The following LRRC7 variants were observed in gnomAD, a reference collection of about 807,000 sequenced individuals.
The protein encoded by LRRC7 is leucine-rich repeat-containing protein 7.
In LRRC7, 23 loss-of-function variants were observed where a neutral mutation model predicts 175.7. The ratio of observed to expected loss-of-function variants is 0.13; its 90% CI spans 0.09 to 0.19. LRRC7 has a LOEUF of 0.19. Ranked by LOEUF, LRRC7 falls within the 10% of genes least tolerant of loss-of-function variation. The probability of loss-of-function intolerance (pLI) is 1.00; values close to 1 mark genes in which losing one functional copy is unlikely to be tolerated. For missense variants in LRRC7, 1,354 were observed against 1,904.7 expected, an observed-to-expected ratio of 0.71 and a Z score of 5.38; for synonymous variants, 685 against 680.9, an observed-to-expected ratio of 1.01 and a Z score of -0.09.
At chr1:70,111,260 A>G (rs921494943) in intron 26 of LRRC7, among the ~76,000 whole-genome samples, 4 of 152,210 alleles carry the variant, frequency 2.6e-5, no homozygotes, top group African/African-American at 9.6e-5. Context: ...CAGCTATGAT[A>G]TTATGAGCAT....
intron 8 of LRRC7, among the ~76,000 whole-genome samples, chr1:69,947,130 A>G (rs1649415508): frequency 6.6e-6 from 1 of 151,568 alleles, no homozygotes; most frequent in Non-Finnish European, 1.5e-5. Flanking sequence ...TAAATAAATA[A>G]ATAAATAAAT....
At position 70,134,242 on chromosome 1, in the gene LRRC7, C is replaced by G. The variant is rs564015730; in HGVS notation, c.*12355C>G. Among the ~76,000 whole-genome samples, 31 of 152,346 alleles carry G rather than the reference C, an allele frequency of 2.0e-4. No homozygotes were observed. The East Asian group carries it at 5.8e-3, about 28-fold the overall frequency. On this transcript the variant is annotated 3_prime_UTR_variant, in exon 27 of 27. Coordinates refer to ENST00000651989, the MANE Select transcript of LRRC7 (RefSeq NM_001370785.2). ...GTAGTTTGCAATCTCCCCAGCCTCT[C>G]TCCTTTCAGTGGGAATATCTGGGTG... is the stretch of plus-strand genomic sequence containing the variant.
intron 2 of LRRC7, among the ~76,000 whole-genome samples, chr1:69,725,320 C>T (rs1323201622): frequency 2.6e-5 from 4 of 152,012 alleles, no homozygotes; most frequent in East Asian, 1.9e-4. Flanking sequence ...AGAAAATCCA[C>T]GTTTAAGTGG....
chr1:69,687,234 C>G (rs982687502), intron 2 of LRRC7, among the ~76,000 whole-genome samples: 6 of 152,160 alleles, frequency 3.9e-5, no homozygotes, highest in African/African-American at 1.4e-4. Context: ...TTAGGACAGG[C>G]ACGTTGGCTC....
In LRRC7 at chr1:70,044,058, G is replaced by A; in HGVS notation, c.4074G>A (p.Lys1358=). The A allele has an allele frequency of 1.2e-6, 2 of 1,613,340 alleles. No homozygotes were observed. The highest frequency in any genetic ancestry group is 1.7e-6 in the Non-Finnish European group (2 of 1,179,594). The stretch of plus-strand genomic sequence containing the variant: ...GCATGACTTTAAACTTGCAGACTAA[G>A]TCTAAATTTGATCATCAAGAACTAC... ...GRSMTLNLQT[K]SKFDHQELPL... Residue 1358 remains lysine (K), a synonymous_variant, in exon 22 of 27, where the codon AAG becomes AAA. Coordinates refer to ENST00000651989, the MANE Select transcript of LRRC7 (RefSeq NM_001370785.2).
chr1:69,856,929 T>C (rs1286913610), intron 7 of LRRC7, among the ~76,000 whole-genome samples: 2 of 152,172 alleles, frequency 1.3e-5, no homozygotes, highest in African/African-American at 2.4e-5. Flanking sequence ...TCAAGTGGGC[T>C]TCATCCCTGG....
intron 2 of LRRC7, among the ~76,000 whole-genome samples, chr1:69,727,608 A>G (rs1325472792): frequency 2.6e-5 from 4 of 152,178 alleles, no homozygotes; most frequent in Non-Finnish European, 2.9e-5. Context: ...TACTTTACAG[A>G]ATTGCTTTTT....
At chr1:69,960,451 C>A in intron 8 of LRRC7, among the ~76,000 whole-genome samples, 1 of 151,986 alleles carries the variant, frequency 6.6e-6, no homozygotes, top group East Asian at 1.9e-4. Flanking sequence ...ATTCGTTGAT[C>A]TTCCAAATGG....
intron 3 of LRRC7, among the ~76,000 whole-genome samples, chr1:69,777,044 A>C (rs1402424170): frequency 6.6e-6 from 1 of 152,158 alleles, no homozygotes; most frequent in Non-Finnish European, 1.5e-5. Context: ...CAAGAGCCCT[A>C]AATAATTAAG....
intron 24 of LRRC7, among the ~76,000 whole-genome samples, chr1:70,079,761 C>T (rs1663074544): frequency 6.6e-6 from 1 of 152,084 alleles, no homozygotes; most frequent in African/African-American, 2.4e-5. Context: ...TTAAAAGGGC[C>T]CCACATTTGG....
chr1:70,097,527 C>T (rs976361483), intron 25 of LRRC7, among the ~76,000 whole-genome samples: 9 of 151,874 alleles, frequency 5.9e-5, no homozygotes, highest in South Asian at 4.2e-4. Context: ...TAGTTACATA[C>T]GTATACATGT....
At chr1:69,671,759 A>C (rs1165594934) in intron 1 of LRRC7, among the ~76,000 whole-genome samples, 1 of 152,076 alleles carries the variant, frequency 6.6e-6, no homozygotes, top group Non-Finnish European at 1.5e-5. Flanking sequence ...AGTTCAGCCT[A>C]GTTATGCTTT....
At chr1:69,633,270 C>G (rs563846846) in intron 1 of LRRC7, among the ~76,000 whole-genome samples, 1 of 151,894 alleles carries the variant, frequency 6.6e-6, no homozygotes, top group South Asian at 2.1e-4. Flanking sequence ...TTTCTTGATT[C>G]CAACACTTAT....
At chr1:69,605,218 G>A (rs1647334746) in intron 1 of LRRC7, among the ~76,000 whole-genome samples, 2 of 152,098 alleles carry the variant, frequency 1.3e-5, no homozygotes, top group South Asian at 2.1e-4. Context: ...TTATAAAGGG[G>A]AGTCCCCCTA....
intron 2 of LRRC7, among the ~76,000 whole-genome samples, chr1:69,718,174 AG>A (rs756184117): frequency 2.7e-5 from 4 of 146,100 alleles, no homozygotes; most frequent in South Asian, 4.4e-4. Context: ...GAAAGAAAGA[AG>A]AAAAGAAAAG....
intron 2 of LRRC7, among the ~76,000 whole-genome samples, chr1:69,732,267 AAG>A (rs1163947808): frequency 6.6e-6 from 1 of 152,094 alleles, no homozygotes; most frequent in Non-Finnish European, 1.5e-5. Flanking sequence ...AGGGCAAAAA[AAG>A]ATTTTTTAAA....
chr1:69,934,833 C>A (rs1235389191), intron 8 of LRRC7, among the ~76,000 whole-genome samples: 2 of 152,088 alleles, frequency 1.3e-5, no homozygotes, highest in Non-Finnish European at 2.9e-5. Context: ...CTAGTCTAGA[C>A]CCAGCTTCCA....
At chr1:69,754,236 A>G (rs1254000618) in intron 2 of LRRC7, among the ~76,000 whole-genome samples, 1 of 152,106 alleles carries the variant, frequency 6.6e-6, no homozygotes, top group African/African-American at 2.4e-5. Context: ...TGTGTTTTCA[A>G]TAGGTCATCT....
chr1:70,060,261 T>C (rs1661475319), intron 23 of LRRC7, among the ~76,000 whole-genome samples: 1 of 151,894 alleles, frequency 6.6e-6, no homozygotes, highest in Non-Finnish European at 1.5e-5. Flanking sequence ...TAAGTGGAGG[T>C]TGCAGTGAGC....
Sources: gnomAD v4.1 joint callset for allele counts (sites outside exome capture counted in the v4.1 genomes callset) on GRCh38, gnomAD v4.1.1 for gene constraint, MANE v1.5 for transcripts, NCBI Gene and HGNC (gene_info 2026-07-23, HGNC 2026-07-21) for gene names.